Variants in TRAK1 observed in about 807,000 individuals in gnomAD.
The protein encoded by TRAK1 is trafficking kinesin-binding protein 1.
Under a neutral mutation model 92.1 loss-of-function variants are expected in TRAK1, and 33 were observed. That is an observed-to-expected ratio of 0.36 (90% confidence interval 0.27 to 0.48). The LOEUF (loss-of-function observed/expected upper bound fraction) is 0.48. Ranked by LOEUF, TRAK1 falls within the 20% of genes least tolerant of loss-of-function variation. TRAK1 has a pLI of 0.99. For missense variants in TRAK1, 1,123 were observed against 1,257.9 expected, an observed-to-expected ratio of 0.89 and a Z score of 1.62; for synonymous variants, 521 against 517.3, an observed-to-expected ratio of 1.01 and a Z score of -0.10.
chr3:42,105,862 A>G (rs957998492), intron 1 of TRAK1, among the ~76,000 whole-genome samples: 2 of 152,250 alleles, frequency 1.3e-5, no homozygotes, highest in African/African-American at 2.4e-5. Context: ...GGGGGCCAAT[A>G]TCCAACATTC....
In TRAK1 at chr3:42,091,475, A is replaced by G. The variant is rs1033341703; in HGVS notation, c.6A>G (p.Ala2=). The G allele has an allele frequency of 1.9e-6, 3 of 1,613,492 alleles. No homozygotes were observed. The highest frequency in any genetic ancestry group is 1.3e-5 in the African/African-American group (1 of 74,988). The part of the protein sequence containing the change: M[A]LVFQFGQPVR... ...TTTGGAGTTTATGTCTGCACATGGC[A>G]TTGGTTTTTCAATTCGGGCAGCCCG... Residue 2 remains alanine, a synonymous_variant, in exon 1 of 16, where the codon GCA becomes GCG. Coordinates refer to ENST00000327628, the MANE Select transcript of TRAK1 (RefSeq NM_001042646.3).
intron 1 of TRAK1, among the ~76,000 whole-genome samples, chr3:42,032,953 T>C (rs961723862): frequency 1.5e-4 from 23 of 152,196 alleles, no homozygotes; most frequent in Admixed American, 1.4e-3. Flanking sequence ...CTGGCTTGTT[T>C]GGAAATGTGG....
chr3:42,217,647 C>T (rs994013956), intron 14 of TRAK1: 1 of 985,330 alleles, frequency 1.0e-6, no homozygotes, highest in Non-Finnish European at 1.2e-6. Flanking sequence ...CCAGCCTTCC[C>T]TTGTTTGATT....
upstream of TRAK1, among the ~76,000 whole-genome samples, chr3:42,086,386 A>G (rs1169734341): frequency 2.0e-5 from 3 of 148,310 alleles, no homozygotes; most frequent in Non-Finnish European, 4.4e-5. Context: ...GCTCACTGCA[A>G]CCTCTGCCTC....
chr3:42,067,336 AT>A (rs2148932902), intron 1 of TRAK1, among the ~76,000 whole-genome samples: 2 of 152,346 alleles, frequency 1.3e-5, no homozygotes, highest in South Asian at 4.1e-4. Context: ...CACATTTTTT[AT>A]TAAAAAGAAC....
intron 1 of TRAK1, among the ~76,000 whole-genome samples, chr3:42,050,059 C>A (rs774707241): frequency 1.3e-5 from 2 of 151,966 alleles, no homozygotes; most frequent in South Asian, 2.1e-4. Context: ...CCTTTTTCAC[C>A]GGGGACTGTT....
Position 42,202,545 on chromosome 3 carries a change from A to G in TRAK1, c.1537A>G (p.Arg513Gly). 1.3e-6 allele frequency: 2 copies of G among 1,568,912 alleles called. No individual in the cohort carries two copies. Among genetic ancestry groups the G allele is most frequent in the Non-Finnish European group, 1.7e-6 (2 of 1,150,362 alleles). ...GCGCCGGGAGAACTACCTCTCGGAG[A>G]GGAGGTTCTTTGAGGAGGAGCAAGA... ...SLRRENYLSE[R>G]RFFEEEQERK... The change falls in exon 13 of 16, where the codon AGG (arginine) becomes GGG (glycine). Residue 513 changes from arginine to glycine, a missense_variant. Around this residue, in one of 3 missense-constraint regions of TRAK1, gnomAD observed 686 missense variants for 747.6 expected, o/e 0.92. Transcript: ENST00000327628. The surrounding 1 kb of genome is among the most constrained non-coding windows in gnomAD (Gnocchi z 6.1).
rs562420649 is a variant in TRAK1 at position 42,175,544 on chromosome 3, T to C, written c.287-1270T>C. Among the ~76,000 whole-genome samples the C allele has an allele frequency of 7.9e-5, 12 of 152,326 alleles. No homozygotes were observed. In the South Asian group the frequency reaches 2.5e-3, roughly 32 times the overall value. ...TGTTGGGTGGAGGGGTCTTGTCTGC[T>C]GGCTCTGGTGGCACTGTCTTGGTAG... On this transcript the variant is annotated intron_variant, in intron 2 of 15. Transcript: ENST00000327628.
At chr3:42,035,787 A>G (rs549817765) in intron 1 of TRAK1, among the ~76,000 whole-genome samples, 2 of 152,164 alleles carry the variant, frequency 1.3e-5, no homozygotes, top group Admixed American at 6.5e-5. Flanking sequence ...TCCCCTTGCT[A>G]AAGCCATTCA....
intron 1 of TRAK1, among the ~76,000 whole-genome samples, chr3:42,118,340 C>T (rs555624995): frequency 1.6e-4 from 24 of 152,292 alleles, no homozygotes; most frequent in African/African-American, 5.8e-4. Flanking sequence ...GATCTGCCCG[C>T]CTCGGCCTCC....
intron 1 of TRAK1, among the ~76,000 whole-genome samples, chr3:42,117,649 C>T (rs1024634453): frequency 1.3e-5 from 2 of 152,240 alleles, no homozygotes; most frequent in African/African-American, 2.4e-5. Flanking sequence ...GGGCTTAGAG[C>T]CCTCAAGCTC....
At chr3:42,151,141 G>C (rs565806102) in intron 2 of TRAK1, among the ~76,000 whole-genome samples, 1 of 152,366 alleles carries the variant, frequency 6.6e-6, no homozygotes, top group African/African-American at 2.4e-5. Context: ...GGATTAGTCA[G>C]GTGGGGCCAT....
chr3:42,064,102 C>G (rs1179088276), intron 1 of TRAK1, among the ~76,000 whole-genome samples: 1 of 152,184 alleles, frequency 6.6e-6, no homozygotes, highest in African/African-American at 2.4e-5. Context: ...GCCCTTATTA[C>G]TATCTGACCT....
rs1203693002 is a variant in TRAK1 at position 42,189,002 on chromosome 3, A to G, written c.582-14A>G. On this transcript the variant is annotated splice_polypyrimidine_tract_variant and intron_variant, in intron 5 of 15. Coordinates refer to ENST00000327628, the MANE Select transcript of TRAK1 (RefSeq NM_001042646.3). The stretch of plus-strand genomic sequence containing the variant: ...ATGCGTCTCCCTAGGTTGTGAGCGT[A>G]CTTTCTCCCCCAGGTTGAAGAGGAA... 2 of 1,591,086 alleles carry G rather than the reference A, an allele frequency of 1.3e-6. No individual in the cohort carries two copies. The highest frequency in any genetic ancestry group is 1.7e-6 in the Non-Finnish European group (2 of 1,159,032).
intron 1 of TRAK1, among the ~76,000 whole-genome samples, chr3:42,068,535 T>C (rs953899069): frequency 6.6e-6 from 1 of 152,320 alleles, no homozygotes; most frequent in Admixed American, 6.5e-5. Flanking sequence ...AGTGAATCAT[T>C]AAGTTCATTT....
chr3:42,075,340 CAAAAAAAAAAA>C (rs60881113), intron 1 of TRAK1, among the ~76,000 whole-genome samples: 55 of 71,078 alleles, frequency 7.7e-4, no homozygotes, highest in African/African-American at 3.2e-3. Context: ...GACTCAGTCT[CAAAAAAAAAAA>C]AAAAAAAAAA....
rs1253030704 is a variant in TRAK1, at chr3:42,108,457, C to T, written c.91+16897C>T. On this transcript the variant is annotated intron_variant, in intron 1 of 15. Transcript: ENST00000327628. ...AGTGAGCTGTGATCGTACCACTGCA[C>T]TCCAGCGTGGGTGACAGGAGTGAGA... 2.7e-5 allele frequency among the ~76,000 whole-genome samples: 4 copies of T among 146,874 alleles called. No homozygotes were observed. In the Admixed American group the frequency reaches 2.8e-4, roughly 10 times the overall value.
intron 2 of TRAK1, among the ~76,000 whole-genome samples, chr3:42,157,782 T>G (rs1700738745): frequency 6.6e-6 from 1 of 152,172 alleles, no homozygotes; most frequent in Non-Finnish European, 1.5e-5. Flanking sequence ...TCTTTTGCCA[T>G]AAAGGATGTT....
intron 1 of TRAK1, among the ~76,000 whole-genome samples, chr3:42,022,541 G>T (rs1701757580): frequency 6.6e-6 from 1 of 152,038 alleles, no homozygotes; most frequent in African/African-American, 2.4e-5. Context: ...GGGCAATATG[G>T]TGAAACCCCA....
Sources: allele counts gnomAD v4.1 joint callset (sites outside exome capture counted in the v4.1 genomes callset), GRCh38; gene constraint gnomAD v4.1.1; regional missense constraint gnomAD v4.1.1; non-coding constraint Gnocchi (gnomAD v3.1); transcripts MANE v1.5; gene names NCBI Gene and HGNC (gene_info 2026-07-23, HGNC 2026-07-21).